GABRP: variants seen among roughly 807,000 people sequenced by gnomAD.
GABRP encodes gamma-aminobutyric acid type A receptor subunit pi.
Under a neutral mutation model 47.8 loss-of-function variants are expected in GABRP, and 52 were observed. That is an observed-to-expected ratio of 1.09 (90% CI 0.87 to 1.37). The LOEUF is 1.37. GABRP is among the 40% of genes most tolerant of loss of function. The probability of loss-of-function intolerance (pLI) is 0.00; values close to 1 mark genes in which losing one functional copy is unlikely to be tolerated. For missense variants in GABRP, 525 were observed against 542.8 expected (o/e 0.97, Z 0.33); for synonymous variants, 221 against 205.8 (o/e 1.07, Z -0.63).
At chr5:170,803,107 A>C (rs1765638925) in intron 6 of GABRP, among the ~76,000 whole-genome samples, 3 of 152,118 alleles carry the variant, frequency 2.0e-5, no homozygotes, top group African/African-American at 7.2e-5. Flanking sequence ...CCGTATTTAG[A>C]CAGCTGGCTT....
At chr5:170,789,909 C>T (rs1046052441) in intron 3 of GABRP, among the ~76,000 whole-genome samples, 1 of 152,182 alleles carries the variant, frequency 6.6e-6, no homozygotes, top group Non-Finnish European at 1.5e-5. Context: ...AATTTTCCAT[C>T]ATGTCTCAGA....
At chr5:170,805,485 A>G (rs934503758) in intron 6 of GABRP, among the ~76,000 whole-genome samples, 2 of 152,220 alleles carry the variant, frequency 1.3e-5, no homozygotes, top group African/African-American at 4.8e-5. Flanking sequence ...GCAGTACCTA[A>G]CACAAGACCA....
chr5:170,785,619 C>A (rs762302632), intron 1 of GABRP, among the ~76,000 whole-genome samples: 1 of 152,176 alleles, frequency 6.6e-6, no homozygotes, highest in Non-Finnish European at 1.5e-5. Context: ...AGGCCCAGGG[C>A]CAAATGTTAC....
chr5:170,795,257 T>C lies in GABRP; in HGVS notation c.290T>C (p.Leu97Pro), dbSNP rs1187248296. The change falls in exon 5 of 10, where the codon CTG becomes CCG. Residue 97 changes from leucine (L) to proline (P), a missense_variant. Transcript: ENST00000265294. ...CGACAGCGCTGGATGGACCAGCGGC[T>C]GGTGTTTGAAGGCAACAAGAGCTTC... ...YLRQRWMDQR[L>P]VFEGNKSFTL... 1 of 1,613,424 alleles carries C rather than the reference T, an allele frequency of 6.2e-7. No homozygotes were observed. The highest frequency in any genetic ancestry group is 1.3e-5 in the African/African-American group (1 of 74,734).
At chr5:170,787,613 AC>A (rs200318370) in intron 1 of GABRP, among the ~76,000 whole-genome samples, 3,540 of 150,078 alleles carry the variant, frequency 0.024, 234 homozygotes, top group East Asian at 0.15. Flanking sequence ...GGAAGAGAGT[AC>A]CGGGGGGGAG....
intron 6 of GABRP, among the ~76,000 whole-genome samples, chr5:170,800,092 T>C (rs1174986218): frequency 6.6e-6 from 1 of 152,096 alleles, no homozygotes; most frequent in Non-Finnish European, 1.5e-5. Flanking sequence ...CTTCAAACAA[T>C]ACTACAAGGC....
intron 9 of GABRP, 97 bp downstream of exon 9, chr5:170,809,852 G>A (rs1765837207): frequency 3.4e-5 from 39 of 1,135,670 alleles, no homozygotes; most frequent in Non-Finnish European, 4.8e-5. Context: ...CACCCCACCC[G>A]CAGTGATTCC....
At chr5:170,805,116 A>G (rs1765695785) in intron 6 of GABRP, among the ~76,000 whole-genome samples, 3 of 150,984 alleles carry the variant, frequency 2.0e-5, no homozygotes, top group Admixed American at 1.3e-4. Flanking sequence ...GAGGAAATAT[A>G]GAAATGGCTA....
chr5:170,808,035 C>T (rs1765783037), intron 7 of GABRP, among the ~76,000 whole-genome samples: 1 of 152,156 alleles, frequency 6.6e-6, no homozygotes, highest in African/African-American at 2.4e-5. Context: ...AGCCTATTTA[C>T]CACAGAGAAT....
intron 7 of GABRP, 152 bp downstream of exon 7, chr5:170,806,005 C>A: frequency 5.1e-6 from 4 of 788,986 alleles, no homozygotes; most frequent in Non-Finnish European, 7.9e-6. Context: ...CCACCTCCTC[C>A]ACACCCAGTA....
chr5:170,795,882 C>A (rs1326421210), intron 5 of GABRP, among the ~76,000 whole-genome samples: 1 of 152,172 alleles, frequency 6.6e-6, no homozygotes, highest in Admixed American at 6.5e-5. Flanking sequence ...CCCAGTGGAA[C>A]TGCAGCAGCT....
intron 5 of GABRP, among the ~76,000 whole-genome samples, chr5:170,797,070 C>T (rs567665515): frequency 7.2e-5 from 11 of 152,322 alleles, no homozygotes; most frequent in Admixed American, 6.5e-4. Context: ...GCCACATGAG[C>T]CTATGCAAGT....
intron 6 of GABRP, among the ~76,000 whole-genome samples, chr5:170,797,938 T>A (rs1002491625): frequency 6.6e-6 from 1 of 152,260 alleles, no homozygotes; most frequent in Non-Finnish European, 1.5e-5. Flanking sequence ...ACACCGTCTG[T>A]GGCTACTTCT....
intron 1 of GABRP, 144 bp from the exon 2 acceptor site, chr5:170,788,430 C>G: frequency 1.8e-6 from 1 of 542,160 alleles, no homozygotes; most frequent in Non-Finnish European, 3.3e-6. Flanking sequence ...GGAGAAGGAG[C>G]TGTAACCGAA....
At chr5:170,785,440 T>G (rs1765101116) in intron 1 of GABRP, among the ~76,000 whole-genome samples, 1 of 152,206 alleles carries the variant, frequency 6.6e-6, no homozygotes, top group South Asian at 2.1e-4. Flanking sequence ...CAGACATGGC[T>G]TCTAACAATT....
chr5:170,810,486 C>T (rs1320668612), intron 9 of GABRP, among the ~76,000 whole-genome samples: 3 of 152,144 alleles, frequency 2.0e-5, no homozygotes, highest in East Asian at 3.9e-4. Flanking sequence ...GGATTCCAAC[C>T]TAAACCTACT....
In GABRP at chr5:170,795,080, A is replaced by G. The variant is rs549670245; in HGVS notation, c.241-128A>G. 5 of 716,018 alleles carry G rather than the reference A, an allele frequency of 7.0e-6. No individual in the cohort carries two copies. The South Asian group carries it at 8.0e-5, about 11-fold the overall frequency. 44.4% of individuals were successfully genotyped at this position (716,018 alleles called of 1,614,324 possible). Reference sequence around the variant, plus strand: ...AATTAGAATGGTAACTTTATTCACCAAAGTCTGTGTATTCTTGCTCTAAGT... The same window carrying G: ...AATTAGAATGGTAACTTTATTCACCGAAGTCTGTGTATTCTTGCTCTAAGT... On this transcript the variant is annotated intron_variant, in intron 4 of 9. Transcript: ENST00000265294.
At chr5:170,796,437 ACAAT>A (rs1272006067) in intron 5 of GABRP, among the ~76,000 whole-genome samples, 2 of 152,164 alleles carry the variant, frequency 1.3e-5, no homozygotes, top group African/African-American at 2.4e-5. Context: ...GGCACACAAC[ACAAT>A]CAATATTGTG....
intron 8 of GABRP, 97 bp from the exon 9 acceptor site, chr5:170,809,471 C>T: frequency 8.3e-7 from 1 of 1,202,114 alleles, no homozygotes; most frequent in Non-Finnish European, 1.2e-6. Flanking sequence ...TGGGTCTTGC[C>T]CTCACCCTGC....
Sources: gnomAD v4.1 joint callset for allele counts (sites outside exome capture counted in the v4.1 genomes callset) on GRCh38, gnomAD v4.1.1 for gene constraint, MANE v1.5 for transcripts, NCBI Gene and HGNC (gene_info 2026-07-23, HGNC 2026-07-21) for gene names.